Variants in DNMT3B observed in about 807,000 individuals in gnomAD.
DNMT3B encodes the protein DNA (cytosine-5)-methyltransferase 3B.
In DNMT3B, 37 loss-of-function variants were observed where a neutral mutation model predicts 120.2. That is an observed-to-expected ratio of 0.31 (90% CI 0.24 to 0.40). DNMT3B has a LOEUF of 0.40. Among genes scored for constraint, DNMT3B ranks in the 10% least tolerant of loss-of-function variants. DNMT3B has a pLI of 1.00. For synonymous variants in DNMT3B, 412 were observed against 442.8 expected, an observed-to-expected ratio of 0.93 and a Z score of 0.87; for missense variants, 878 against 1,137.3, an observed-to-expected ratio of 0.77 and a Z score of 3.28.
At chr20:32,776,388 A>G (rs566110075) in intron 1 of DNMT3B, among the ~76,000 whole-genome samples, 1 of 152,242 alleles carries the variant, frequency 6.6e-6, no homozygotes, top group East Asian at 1.9e-4. Context: ...TATTAGATAA[A>G]GCAGTTGGCT....
chr20:32,792,597 C>A, intron 8 of DNMT3B, 29 bp from the exon 9 acceptor site: 1 of 1,614,140 alleles, frequency 6.2e-7, no homozygotes. Context: ...TCCCCACCCC[C>A]CCATTCATCA....
At chr20:32,806,451 GTAATAA>G (rs1981992740) in intron 22 of DNMT3B, 124 bp downstream of exon 22, 1 of 900,630 alleles carries the variant, frequency 1.1e-6, no homozygotes, top group Non-Finnish European at 1.8e-6. Context: ...GGGGCGAGGA[GTAATAA>G]TACCTTTTCA....
chr20:32,801,487 A>G, intron 19 of DNMT3B, 61 bp downstream of exon 19: 2 of 1,607,200 alleles, frequency 1.2e-6, no homozygotes, highest in Non-Finnish European at 8.5e-7. Flanking sequence ...CGCTGCTGGC[A>G]GTGATGATTG....
rs1344314975 is a variant in DNMT3B at position 32,779,972 on chromosome 20, C to T, written c.-6-346C>T. 2.0e-5 allele frequency: 22 copies of T among 1,097,026 alleles called. No homozygotes were observed. The East Asian group carries it at 2.1e-4, about 10-fold the overall frequency. The allele number at this position is 1,097,026 out of a possible 1,614,324, so 68.0% of individuals were successfully genotyped here. On this transcript the variant is annotated intron_variant, in intron 1 of 22. Coordinates refer to ENST00000328111, the MANE Select transcript of DNMT3B (RefSeq NM_006892.4). ...AGAGGGGACAGAGGCTGGCGGCAGA[C>T]GGGCCGGGACAGGCAGGTCCTAAAT... is the stretch of plus-strand genomic sequence containing the variant.
In DNMT3B at chr20:32,762,611, G is replaced by A. The variant is rs750057691; in HGVS notation, c.-95G>A. On this transcript the variant is annotated 5_prime_UTR_variant, in exon 1 of 23. Coordinates refer to ENST00000328111, the MANE Select transcript of DNMT3B (RefSeq NM_006892.4). ...GGCGCCGGAGATTCGCGAGCCCAGC[G>A]CCCTGCACGGCCGCCAGCCGGCCTC... 6.8e-6 allele frequency: 2 copies of A among 295,426 alleles called. No individual in the cohort carries two copies. Among genetic ancestry groups the A allele is most frequent in the Non-Finnish European group, 1.4e-5 (2 of 141,944 alleles). The allele number at this position is 295,426 out of a possible 1,614,324, so 18.3% of individuals were successfully genotyped here.
intron 1 of DNMT3B, 40 bp from the exon 2 acceptor site, chr20:32,780,278 T>G (rs1047298429): frequency 1.9e-6 from 3 of 1,613,700 alleles, no homozygotes; most frequent in Non-Finnish European, 1.7e-6. Flanking sequence ...CTCATGTCCC[T>G]GCTTCCCTTT....
intron 1 of DNMT3B, among the ~76,000 whole-genome samples, chr20:32,770,549 C>T (rs1257967069): frequency 6.6e-6 from 1 of 151,878 alleles, no homozygotes; most frequent in Non-Finnish European, 1.5e-5. Flanking sequence ...TCAGGTGAGC[C>T]GCCCACCTTG....
In DNMT3B at chr20:32,808,435, A is replaced by G. The variant is rs1280091482; in HGVS notation, c.*532A>G. The G allele has an allele frequency of 4.1e-6, 1 of 244,194 alleles. No homozygotes were observed. The highest frequency in any genetic ancestry group is 8.0e-6 in the Non-Finnish European group (1 of 124,492). The allele number at this position is 244,194 out of a possible 1,614,324, so 15.1% of individuals were successfully genotyped here. ...ATCGTTTTTTCCCAGGGCAAGCAGA[A>G]GAGAAAATGTTGTATATGTCTTTTA... On this transcript the variant is annotated 3_prime_UTR_variant, in exon 23 of 23. Coordinates refer to ENST00000328111, the MANE Select transcript of DNMT3B (RefSeq NM_006892.4).
At chr20:32,769,755 T>G (rs905900006) in intron 1 of DNMT3B, among the ~76,000 whole-genome samples, 9 of 152,104 alleles carry the variant, frequency 5.9e-5, no homozygotes, top group Admixed American at 5.9e-4. Context: ...TCATACATTA[T>G]TATTATTTTT....
intron 20 of DNMT3B, among the ~76,000 whole-genome samples, chr20:32,804,684 C>CT (rs537765800): frequency 0.052 from 5,807 of 112,624 alleles, 165 homozygotes; most frequent in Non-Finnish European, 0.063. Context: ...GGTGCTTAGT[C>CT]TTTTTTTTTT....
Position 32,807,781 on chromosome 20 carries a change from C to T in DNMT3B, c.2440C>T (p.His814Tyr). Residue 814 changes from histidine to tyrosine, a missense_variant, in exon 23 of 23, where the codon CAC (histidine) becomes TAC (tyrosine). Around this residue, in one of 4 missense-constraint regions of DNMT3B, gnomAD observed 334 missense variants for 518.8 expected, o/e 0.64. Transcript: ENST00000328111. ...ELERIFGFPVHYTDVSNMGRG... is the reference protein window; with the variant it reads ...ELERIFGFPVYYTDVSNMGRG... ...CCCCAGGATCTTTGGCTTTCCTGTG[C>T]ACTACACAGACGTGTCCAACATGGG... 6.2e-7 allele frequency: 1 copy of T among 1,614,194 alleles called. No individual in the cohort carries two copies. The highest frequency in any genetic ancestry group is 8.5e-7 in the Non-Finnish European group (1 of 1,180,036).
chr20:32,763,063 G>T (rs577932111), intron 1 of DNMT3B, among the ~76,000 whole-genome samples: 62 of 152,258 alleles, frequency 4.1e-4, no homozygotes, highest in Non-Finnish European at 7.4e-4. Flanking sequence ...AGGAGGAGGT[G>T]CCCGTCGAGA....
intron 12 of DNMT3B, 55 bp from the exon 13 acceptor site, chr20:32,796,735 G>C: frequency 6.3e-7 from 1 of 1,587,962 alleles, no homozygotes. Context: ...CCAGGCTTTA[G>C]CAGCTGGTGT....
intron 1 of DNMT3B, among the ~76,000 whole-genome samples, chr20:32,765,758 CTT>C (rs532836566): frequency 4.5e-5 from 3 of 67,098 alleles, no homozygotes; most frequent in East Asian, 3.4e-4. Flanking sequence ...TTCTTTTTTT[CTT>C]TTTTTTTTTT....
At position 32,808,117 on chromosome 20, in the gene DNMT3B, C is replaced by A; in HGVS notation, c.*214C>A. On this transcript the variant is annotated 3_prime_UTR_variant, in exon 23 of 23. Transcript: ENST00000328111. Reference sequence around the variant, plus strand: ...CTTGTGCACAAATCAGACCTGGCTGCTTGGAGCAGCCTAACACGGTGCTCA... The same window carrying A: ...CTTGTGCACAAATCAGACCTGGCTGATTGGAGCAGCCTAACACGGTGCTCA... 1.4e-6 allele frequency: 1 copy of A among 721,406 alleles called. No individual in the cohort carries two copies. The highest frequency in any genetic ancestry group is 2.2e-6 in the Non-Finnish European group (1 of 447,008). The allele number at this position is 721,406 out of a possible 1,614,324, so 44.7% of individuals were successfully genotyped here. A position where few individuals can be genotyped will look rare whatever the true frequency, so the allele number is the denominator to read the frequency against.
chr20:32,796,815 A>G lies in DNMT3B; in HGVS notation c.1323A>G (p.Lys441=). 1 of 1,613,304 alleles carries G rather than the reference A, an allele frequency of 6.2e-7. No homozygotes were observed. The highest frequency in any genetic ancestry group is 8.5e-7 in the Non-Finnish European group (1 of 1,179,222). Residue 441 remains lysine, a synonymous_variant, in exon 13 of 23, where the codon AAA becomes AAG. Transcript: ENST00000328111. ...LEDGCLSCGR[K]NPVSFHPLFE... The stretch of plus-strand genomic sequence containing the variant: ...ATGGCTGTTTGTCTTGTGGCAGGAA[A>G]AACCCCGTGTCCTTCCACCCTCTCT...
At chr20:32,766,378 A>C (rs992035744) in intron 1 of DNMT3B, among the ~76,000 whole-genome samples, 2 of 151,626 alleles carry the variant, frequency 1.3e-5, no homozygotes, top group Non-Finnish European at 2.9e-5. Context: ...AGATAGCTTA[A>C]GTTTTTTTTT....
intron 21 of DNMT3B, 94 bp from the exon 22 acceptor site, chr20:32,806,115 G>GCTCT: frequency 8.6e-7 from 1 of 1,160,706 alleles, no homozygotes; most frequent in Non-Finnish European, 1.3e-6. Context: ...CCGCACCTGC[G>GCTCT]CTCTCCCCTC....
intron 1 of DNMT3B, among the ~76,000 whole-genome samples, chr20:32,764,251 T>A (rs1568814171): frequency 6.6e-6 from 1 of 152,118 alleles, no homozygotes; most frequent in Non-Finnish European, 1.5e-5. Flanking sequence ...ACTAATAGGG[T>A]TGTGTAAGGA....
Sources: gnomAD v4.1 joint callset for allele counts (sites outside exome capture counted in the v4.1 genomes callset) on GRCh38, gnomAD v4.1.1 for gene constraint, gnomAD v4.1.1 regional missense constraint, MANE v1.5 for transcripts, NCBI Gene and HGNC (gene_info 2026-07-23, HGNC 2026-07-21) for gene names.